The following ZRANB3 variants were observed in gnomAD, a reference collection of about 807,000 sequenced individuals.
ZRANB3 encodes zinc finger RANBP2-type containing 3.
In ZRANB3, 125 loss-of-function variants were observed where a neutral mutation model predicts 133.8. That is an observed-to-expected ratio of 0.93 (90% CI 0.81 to 1.08). The LOEUF is 1.08. Among genes scored for constraint, ZRANB3 ranks in the 50% least tolerant of loss-of-function variants. ZRANB3 has a pLI of 0.00. For missense variants in ZRANB3, 1,229 were observed against 1,275.5 expected, an observed-to-expected ratio of 0.96 and a Z score of 0.56; for synonymous variants, 387 against 432.7, an observed-to-expected ratio of 0.89 and a Z score of 1.31.
intron 2 of ZRANB3, among the ~76,000 whole-genome samples, chr2:135,484,064 G>A (rs1240159863): frequency 1.3e-5 from 2 of 152,080 alleles, no homozygotes; most frequent in Non-Finnish European, 2.9e-5. Context: ...GGTGTGGTGT[G>A]GTGCTGAAAA....
chr2:135,251,400 T>A (rs1032535647), intron 12 of ZRANB3, among the ~76,000 whole-genome samples: 1 of 152,152 alleles, frequency 6.6e-6, no homozygotes. Context: ...TGGGAAAGCA[T>A]AATTGGTTTT....
intron 2 of ZRANB3, among the ~76,000 whole-genome samples, chr2:135,435,551 T>C (rs1310448512): frequency 6.6e-6 from 1 of 152,214 alleles, no homozygotes; most frequent in African/African-American, 2.4e-5. Context: ...TGCTTTTAGC[T>C]CTTTGAGGAA....
chr2:135,340,241 G>T (rs1292906904), intron 6 of ZRANB3, among the ~76,000 whole-genome samples: 2 of 151,590 alleles, frequency 1.3e-5, no homozygotes, highest in African/African-American at 2.4e-5. Context: ...GAGTAGCTGG[G>T]ATTACAGGTG....
intron 5 of ZRANB3, among the ~76,000 whole-genome samples, chr2:135,347,294 C>CTTTTT (rs371254079): frequency 7.3e-6 from 1 of 137,356 alleles, no homozygotes; most frequent in African/African-American, 2.7e-5. Context: ...TTTCAGTTCT[C>CTTTTT]TTTTTTTTTT....
At chr2:135,202,650 C>T in intron 20 of ZRANB3, 182 bp downstream of exon 20, 1 of 585,308 alleles carries the variant, frequency 1.7e-6, no homozygotes, top group East Asian at 3.4e-5. Flanking sequence ...GAAGCAGCTT[C>T]TCTTGCATCT....
intron 3 of ZRANB3, among the ~76,000 whole-genome samples, chr2:135,375,520 C>A (rs1238674177): frequency 6.6e-6 from 1 of 152,108 alleles, no homozygotes; most frequent in Non-Finnish European, 1.5e-5. Context: ...CCCGTCTCTA[C>A]TAAAAATACA....
At chr2:135,231,828 TG>T (rs1695033948) in intron 12 of ZRANB3, among the ~76,000 whole-genome samples, 2 of 151,590 alleles carry the variant, frequency 1.3e-5, no homozygotes, top group East Asian at 1.9e-4. Flanking sequence ...GGAGCCAAGA[TG>T]GCCGAATAGG....
intron 6 of ZRANB3, among the ~76,000 whole-genome samples, chr2:135,320,318 A>G (rs990619001): frequency 6.6e-6 from 1 of 152,236 alleles, no homozygotes; most frequent in Admixed American, 6.5e-5. Flanking sequence ...GAACAAAGAG[A>G]AAAGGTGTAA....
intron 5 of ZRANB3, among the ~76,000 whole-genome samples, chr2:135,346,184 C>T (rs1684915002): frequency 6.6e-6 from 1 of 152,172 alleles, no homozygotes; most frequent in African/African-American, 2.4e-5. Context: ...GCAAGCTCCG[C>T]CTCCAGAGTT....
chr2:135,225,902 C>T (rs1195492648), intron 14 of ZRANB3, among the ~76,000 whole-genome samples: 1 of 152,168 alleles, frequency 6.6e-6, no homozygotes, highest in East Asian at 1.9e-4. Flanking sequence ...AAGTGTCTTA[C>T]ATTGGTTACT....
intron 2 of ZRANB3, among the ~76,000 whole-genome samples, chr2:135,437,843 T>G (rs1363622000): frequency 3.3e-5 from 5 of 152,208 alleles, no homozygotes; most frequent in African/African-American, 1.2e-4. Context: ...TTTCTGGGTA[T>G]GTCTGTGAGG....
intron 2 of ZRANB3, among the ~76,000 whole-genome samples, chr2:135,416,768 T>C (rs1278613001): frequency 2.0e-5 from 3 of 152,054 alleles, no homozygotes; most frequent in South Asian, 4.2e-4. Flanking sequence ...GAGATATAGA[T>C]CAATGGAAGA....
intron 2 of ZRANB3, among the ~76,000 whole-genome samples, chr2:135,484,916 G>C (rs573844882): frequency 6.6e-6 from 1 of 151,628 alleles, no homozygotes; most frequent in Non-Finnish European, 1.5e-5. Flanking sequence ...GGCACCTGTA[G>C]TCCCAGCTAC....
chr2:135,385,607 C>T (rs1686933809), intron 3 of ZRANB3, among the ~76,000 whole-genome samples: 1 of 152,254 alleles, frequency 6.6e-6, no homozygotes, highest in South Asian at 2.1e-4. Context: ...GCTACAGTAA[C>T]CAAAACAGCA....
At position 135,209,047 on chromosome 2, in the gene ZRANB3, T is replaced by C. The variant is rs1222246500; in HGVS notation, c.2496-69A>G. ...AAAATGTCTCTATTGCATGTTTACA[T>C]TGTTCCTTGCAAAAGCAATAGAAGA... On this transcript the variant is annotated intron_variant, in intron 17 of 20. Transcript: ENST00000264159. 4.9e-6 allele frequency: 7 copies of C among 1,423,332 alleles called. No homozygotes were observed. In the African/African-American group the frequency reaches 5.6e-5, roughly 11 times the overall value. 88.2% of individuals were successfully genotyped at this position (1,423,332 alleles called of 1,614,324 possible).
chr2:135,512,191 T>G (rs1260594290), intron 1 of ZRANB3, among the ~76,000 whole-genome samples: 1 of 152,240 alleles, frequency 6.6e-6, no homozygotes. Context: ...TTGCTTGGTA[T>G]GGTACGCAAC....
chr2:135,330,367 C>T (rs750255536), intron 6 of ZRANB3, among the ~76,000 whole-genome samples: 3 of 152,062 alleles, frequency 2.0e-5, no homozygotes, highest in Non-Finnish European at 4.4e-5. Flanking sequence ...TATTGATTTG[C>T]GTTATGTTGA....
At chr2:135,392,899 GAGAC>G (rs1687307502) in intron 2 of ZRANB3, among the ~76,000 whole-genome samples, 1 of 147,246 alleles carries the variant, frequency 6.8e-6, no homozygotes, top group Admixed American at 6.9e-5. Context: ...TTTTTTTTCT[GAGAC>G]AGTCTCCCTT....
intron 15 of ZRANB3, 46 bp from the exon 16 acceptor site, chr2:135,219,224 C>T: frequency 8.5e-7 from 1 of 1,172,232 alleles, no homozygotes; most frequent in Non-Finnish European, 1.2e-6. Context: ...TTTGTATAGG[C>T]ACTAGTAACT....
Sources: allele counts gnomAD v4.1 joint callset (sites outside exome capture counted in the v4.1 genomes callset), GRCh38; gene constraint gnomAD v4.1.1; transcripts MANE v1.5; gene names NCBI Gene and HGNC (gene_info 2026-07-23, HGNC 2026-07-21).